SOX5: variants seen among roughly 807,000 people sequenced by gnomAD.
SOX5 encodes the protein transcription factor SOX-5.
SOX5 carries 9 observed loss-of-function variants against 92.0 expected under a neutral mutation model. The observed-to-expected ratio is 0.10, with a 90% CI of 0.06 to 0.17. The LOEUF (loss-of-function observed/expected upper bound fraction) is 0.17. Among genes scored for constraint, SOX5 ranks in the 10% least tolerant of loss-of-function variants. SOX5 has a pLI of 1.00. For missense variants in SOX5, 642 were observed against 944.5 expected (o/e 0.68, Z 4.20); for synonymous variants, 344 against 336.3 (o/e 1.02, Z -0.25).
intron 8 of SOX5, chr12:23,632,118 T>C (rs753410925): frequency 6.6e-6 from 1 of 152,166 alleles, no homozygotes; most frequent in African/African-American, 2.4e-5. Context: ...TTTTTTTGCC[T>C]CTATTAATAC....
chr12:23,927,463 T>C (rs1325942232), intron 1 of SOX5, among the ~76,000 whole-genome samples: 1 of 152,074 alleles, frequency 6.6e-6, no homozygotes, highest in Non-Finnish European at 1.5e-5. Flanking sequence ...TACATACATA[T>C]GGACATACAT....
chr12:24,037,682 G>T (rs904661958), intron 4 of SOX5, among the ~76,000 whole-genome samples: 1 of 152,104 alleles, frequency 6.6e-6, no homozygotes, highest in East Asian at 1.9e-4. Flanking sequence ...TATTCCAAAA[G>T]TTAAATATAA....
At chr12:23,838,007 T>C (rs1286305242) in intron 3 of SOX5, among the ~76,000 whole-genome samples, 25 of 123,864 alleles carry the variant, frequency 2.0e-4, no homozygotes, top group African/African-American at 7.6e-4. Context: ...TGTACATTTA[T>C]ATTTATATAA....
intron 3 of SOX5, among the ~76,000 whole-genome samples, chr12:23,795,142 C>T (rs2095539970): frequency 6.6e-6 from 1 of 152,028 alleles, no homozygotes; most frequent in Admixed American, 6.6e-5. Flanking sequence ...AGGATTTCAC[C>T]TCTTCCTAGA....
intron 4 of SOX5, among the ~76,000 whole-genome samples, chr12:24,122,641 C>T (rs1033390201): frequency 6.6e-6 from 1 of 151,988 alleles, no homozygotes; most frequent in African/African-American, 2.4e-5. Flanking sequence ...AGATGTGAAC[C>T]TATTTAAAAA....
chr12:24,493,694 C>T (rs1461071933), intron 1 of SOX5, among the ~76,000 whole-genome samples: 5 of 151,944 alleles, frequency 3.3e-5, no homozygotes, highest in African/African-American at 9.7e-5. Flanking sequence ...GAAACCCCGT[C>T]TCTACTAAAA....
At chr12:24,054,646 C>T (rs535426171) in intron 4 of SOX5, among the ~76,000 whole-genome samples, 12 of 152,282 alleles carry the variant, frequency 7.9e-5, no homozygotes, top group African/African-American at 2.4e-4. Context: ...GGAATGGCAC[C>T]CAGCCATCCT....
chr12:23,858,724 T>A (rs1270896519), intron 2 of SOX5, among the ~76,000 whole-genome samples: 1 of 152,160 alleles, frequency 6.6e-6, no homozygotes, highest in Non-Finnish European at 1.5e-5. Flanking sequence ...TAAGGCATTC[T>A]ACAGAAACCT....
intron 4 of SOX5, among the ~76,000 whole-genome samples, chr12:23,743,074 T>C (rs1232676308): frequency 6.6e-6 from 1 of 152,184 alleles, no homozygotes; most frequent in African/African-American, 2.4e-5. Flanking sequence ...TTATGGGTCA[T>C]CCATGGTATT....
chr12:23,905,647 GATTA>G (rs1025605121), intron 1 of SOX5, among the ~76,000 whole-genome samples: 13 of 152,038 alleles, frequency 8.6e-5, no homozygotes, highest in African/African-American at 2.2e-4. Context: ...ACTTGAAAAA[GATTA>G]ATTAGAGTTA....
At chr12:23,816,207 C>CTTTT (rs11347313) in intron 3 of SOX5, among the ~76,000 whole-genome samples, 2 of 129,646 alleles carry the variant, frequency 1.5e-5, no homozygotes, top group South Asian at 2.5e-4. Flanking sequence ...GACAAGATTT[C>CTTTT]TTTTTTTTTT....
At chr12:24,270,369 A>G (rs1943572866) in intron 3 of SOX5, among the ~76,000 whole-genome samples, 1 of 151,818 alleles carries the variant, frequency 6.6e-6, no homozygotes, top group Admixed American at 6.6e-5. Flanking sequence ...AATGTGGGGA[A>G]CTCTTTATAA....
intron 3 of SOX5, among the ~76,000 whole-genome samples, chr12:23,763,694 C>CA (rs2094627099): frequency 6.6e-6 from 1 of 151,856 alleles, no homozygotes; most frequent in Non-Finnish European, 1.5e-5. Context: ...TCTAACTTCC[C>CA]AAAGGTTCTA....
chr12:24,256,674 G>T (rs1280170426), intron 3 of SOX5, among the ~76,000 whole-genome samples: 2 of 141,752 alleles, frequency 1.4e-5, no homozygotes, highest in Non-Finnish European at 3.1e-5. Context: ...GGTGGGTGGG[G>T]AATGACTGAC....
intron 9 of SOX5, among the ~76,000 whole-genome samples, chr12:23,585,230 G>A (rs1950559574): frequency 6.6e-6 from 1 of 152,154 alleles, no homozygotes. Context: ...CTCTTGTAAT[G>A]AATTCTCCTC....
intron 6 of SOX5, among the ~76,000 whole-genome samples, chr12:23,688,620 A>G (rs1159713020): frequency 6.6e-6 from 1 of 152,040 alleles, no homozygotes; most frequent in African/African-American, 2.4e-5. Flanking sequence ...TTATTTTCCA[A>G]TAGTTTAGCA....
intron 6 of SOX5, among the ~76,000 whole-genome samples, chr12:23,730,767 A>G (rs2093360712): frequency 6.6e-6 from 1 of 152,224 alleles, no homozygotes; most frequent in Non-Finnish European, 1.5e-5. Flanking sequence ...TAGGTTTACC[A>G]TACAGCTAAA....
At chr12:24,253,682 GA>G (rs1471371267) in intron 3 of SOX5, among the ~76,000 whole-genome samples, 1 of 152,138 alleles carries the variant, frequency 6.6e-6, no homozygotes, top group Admixed American at 6.5e-5. Context: ...AAAATTTTAA[GA>G]CATTCTGTCT....
intron 7 of SOX5, among the ~76,000 whole-genome samples, chr12:23,660,405 C>A (rs1368477772): frequency 6.6e-6 from 1 of 151,674 alleles, no homozygotes; most frequent in Non-Finnish European, 1.5e-5. Flanking sequence ...TAATAACTTA[C>A]ATTAGGACAA....
Sources: allele counts gnomAD v4.1 joint callset (sites outside exome capture counted in the v4.1 genomes callset), GRCh38; gene constraint gnomAD v4.1.1; transcripts MANE v1.5; gene names NCBI Gene and HGNC (gene_info 2026-07-23, HGNC 2026-07-21).